The following SLC9D1 variants were observed in gnomAD, a reference collection of about 807,000 sequenced individuals.
The protein encoded by SLC9D1 is solute carrier family 9 member D1.
chr13:113,525,965 G>A, the SLC9D1 span, among the ~76,000 whole-genome samples: 2,960 of 150,326 alleles, frequency 0.02, 40 homozygotes, highest in East Asian at 0.092. Flanking sequence ...AGCCGTCGTC[G>A]TCGTAGGAGA....
the SLC9D1 span, chr13:113,496,113 A>C: frequency 1.0e-6 from 1 of 953,210 alleles, no homozygotes; most frequent in South Asian, 1.7e-5. Flanking sequence ...TCCTCATCCT[A>C]GAGACAGCCC....
At chr13:113,506,154 G>A in the SLC9D1 span, 64 of 176,380 alleles carry the variant, frequency 3.6e-4, 1 homozygote, top group Middle Eastern at 5.3e-3. Context: ...AGCGTGGGCC[G>A]CGTGGCTGCC....
At chr13:113,518,564 C>T in the SLC9D1 span, among the ~76,000 whole-genome samples, 5 of 152,278 alleles carry the variant, frequency 3.3e-5, no homozygotes, top group East Asian at 1.9e-4. Flanking sequence ...CAGGTGTGAA[C>T]GTGTTATCTG....
the SLC9D1 span, among the ~76,000 whole-genome samples, chr13:113,548,795 GT>G: frequency 3.9e-5 from 6 of 152,228 alleles, no homozygotes; most frequent in Non-Finnish European, 5.9e-5. Flanking sequence ...TAATGGCAGT[GT>G]GCCCGGAGAG....
the SLC9D1 span, chr13:113,548,283 G>A: frequency 3.2e-5 from 52 of 1,612,888 alleles, no homozygotes; most frequent in Non-Finnish European, 4.2e-5. Flanking sequence ...CAGCAGTGAC[G>A]TAATGAACCG....
the SLC9D1 span, among the ~76,000 whole-genome samples, chr13:113,496,947 T>A: frequency 6.6e-6 from 1 of 152,222 alleles, no homozygotes; most frequent in Non-Finnish European, 1.5e-5. Context: ...TGAGTAACAT[T>A]GGCTCCTGGT....
chr13:113,495,140 C>T, the SLC9D1 span, among the ~76,000 whole-genome samples: 1 of 152,174 alleles, frequency 6.6e-6, no homozygotes, highest in African/African-American at 2.4e-5. Context: ...CAGGCATAAG[C>T]CACCATGCCC....
chr13:113,532,289 G>A, the SLC9D1 span, among the ~76,000 whole-genome samples: 1 of 152,212 alleles, frequency 6.6e-6, no homozygotes, highest in African/African-American at 2.4e-5. Context: ...GAGCTGGTGA[G>A]CAGCCGTGAG....
At chr13:113,548,277 A>G in the SLC9D1 span, 221,634 of 1,611,656 alleles carry the variant, frequency 0.14, 17,785 homozygotes, top group African/African-American at 0.35. Context: ...AGTCTTCAGC[A>G]GTGACGTAAT....
At chr13:113,498,247 A>G in the SLC9D1 span, 1 of 934,350 alleles carries the variant, frequency 1.1e-6, no homozygotes. Flanking sequence ...ACATATGAAC[A>G]GGGACATTTG....
At chr13:113,522,823 G>A in the SLC9D1 span, among the ~76,000 whole-genome samples, 3 of 151,770 alleles carry the variant, frequency 2.0e-5, no homozygotes, top group Admixed American at 2.0e-4. Flanking sequence ...GTAGAGACAG[G>A]GTTTCACCTT....
At chr13:113,525,430 A>C in the SLC9D1 span, among the ~76,000 whole-genome samples, 1 of 152,228 alleles carries the variant, frequency 6.6e-6, no homozygotes, top group Admixed American at 6.5e-5. Context: ...AATCACTGTT[A>C]CTGGTTTATG....
At chr13:113,535,792 G>A in the SLC9D1 span, among the ~76,000 whole-genome samples, 1 of 152,214 alleles carries the variant, frequency 6.6e-6, no homozygotes, top group African/African-American at 2.4e-5. The surrounding 1 kb of genome is among the most constrained non-coding windows in gnomAD (Gnocchi z 4.1). Context: ...GGGAGGGGCT[G>A]GGGATGGCAC....
the SLC9D1 span, chr13:113,495,800 T>C: frequency 6.2e-7 from 1 of 1,614,148 alleles, no homozygotes; most frequent in South Asian, 1.1e-5. Flanking sequence ...AACTGAAAAC[T>C]GCAATTGGAG....
the SLC9D1 span, among the ~76,000 whole-genome samples, chr13:113,501,212 T>C: frequency 6.6e-6 from 1 of 152,220 alleles, no homozygotes. Flanking sequence ...ACAAAAACTT[T>C]GCTGTATAGT....
chr13:113,533,747 A>G, the SLC9D1 span, among the ~76,000 whole-genome samples: 1 of 152,204 alleles, frequency 6.6e-6, no homozygotes, highest in East Asian at 1.9e-4. Context: ...GAGGAATTTT[A>G]TCGTCAGGCA....
At chr13:113,538,475 C>T in the SLC9D1 span, among the ~76,000 whole-genome samples, 1 of 152,188 alleles carries the variant, frequency 6.6e-6, no homozygotes, top group Non-Finnish European at 1.5e-5. Flanking sequence ...TGGTCAGTTT[C>T]ACACACATGA....
the SLC9D1 span, chr13:113,549,789 C>T: frequency 9.2e-6 from 6 of 650,642 alleles, no homozygotes; most frequent in Non-Finnish European, 1.7e-5. Context: ...TACCGATCAC[C>T]TTGAATGTGG....
the SLC9D1 span, among the ~76,000 whole-genome samples, chr13:113,507,583 T>C: frequency 2.0e-5 from 3 of 152,218 alleles, no homozygotes; most frequent in Non-Finnish European, 2.9e-5. Flanking sequence ...TGCATAGTGC[T>C]GAGGAAAGCT....
Sources: allele counts gnomAD v4.1 joint callset (sites outside exome capture counted in the v4.1 genomes callset), GRCh38; gene constraint gnomAD v4.1.1; non-coding constraint Gnocchi (gnomAD v3.1); transcripts MANE v1.5; gene names NCBI Gene and HGNC (gene_info 2026-07-23, HGNC 2026-07-21).